RCAN2: variants seen among roughly 807,000 people sequenced by gnomAD.
RCAN2 encodes the protein calcipressin-2.
A neutral mutation model predicts 23.6 loss-of-function variants in RCAN2; 9 were observed. The observed-to-expected ratio is 0.38, with a 90% CI of 0.23 to 0.67. RCAN2 has a LOEUF of 0.67. RCAN2 is among the 30% of genes least tolerant of loss of function. RCAN2 has a pLI of 0.51. For missense variants in RCAN2, 273 were observed against 302.3 expected (o/e 0.90, Z 0.72); for synonymous variants, 109 against 115.7 (o/e 0.94, Z 0.37).
chr6:46,415,856 C>T (rs937685175), intron 2 of RCAN2, among the ~76,000 whole-genome samples: 8 of 152,076 alleles, frequency 5.3e-5, no homozygotes, highest in African/African-American at 1.9e-4. Context: ...CCAGGATCTC[C>T]TATGAATACT....
chr6:46,267,463 T>C (rs1767374392), intron 2 of RCAN2, among the ~76,000 whole-genome samples: 1 of 152,188 alleles, frequency 6.6e-6, no homozygotes, highest in Non-Finnish European at 1.5e-5. Flanking sequence ...AGAAGATCAC[T>C]TGAGCCCAGG....
intron 2 of RCAN2, among the ~76,000 whole-genome samples, chr6:46,273,964 G>T (rs1767604890): frequency 6.6e-6 from 1 of 152,082 alleles, no homozygotes; most frequent in Non-Finnish European, 1.5e-5. Flanking sequence ...TCTATGAAAG[G>T]CTGGGTACAT....
At chr6:46,244,971 T>C (rs944621219) in intron 4 of RCAN2, among the ~76,000 whole-genome samples, 1 of 152,186 alleles carries the variant, frequency 6.6e-6, no homozygotes, top group Non-Finnish European at 1.5e-5. Flanking sequence ...TGAATGACTG[T>C]GGGAAAGGGC....
At chr6:46,395,869 C>G (rs1258901886) in intron 2 of RCAN2, among the ~76,000 whole-genome samples, 9 of 152,158 alleles carry the variant, frequency 5.9e-5, no homozygotes. Context: ...TCTCCAAATT[C>G]TAACTGAACA....
chr6:46,395,630 TATGAG>T (rs1355281361), intron 2 of RCAN2, among the ~76,000 whole-genome samples: 2 of 152,320 alleles, frequency 1.3e-5, no homozygotes, highest in East Asian at 3.9e-4. Flanking sequence ...AATGAATGAT[TATGAG>T]ATGTACTGCT....
chr6:46,336,684 A>G (rs1764155350), intron 2 of RCAN2, among the ~76,000 whole-genome samples: 1 of 152,220 alleles, frequency 6.6e-6, no homozygotes, highest in Non-Finnish European at 1.5e-5. Context: ...TGCATCCAGT[A>G]AGGTATGTGA....
intron 2 of RCAN2, among the ~76,000 whole-genome samples, chr6:46,418,435 A>G (rs1766771943): frequency 1.3e-5 from 2 of 151,974 alleles, no homozygotes; most frequent in African/African-American, 4.8e-5. Flanking sequence ...AATTCCTTAC[A>G]AAATTTGGAT....
At chr6:46,318,720 A>G (rs1667712797) in intron 2 of RCAN2, among the ~76,000 whole-genome samples, 1 of 152,206 alleles carries the variant, frequency 6.6e-6, no homozygotes, top group South Asian at 2.1e-4. Context: ...AGGTTAAAAA[A>G]AAAGAGAAAT....
intron 2 of RCAN2, among the ~76,000 whole-genome samples, chr6:46,249,652 A>T (rs1766643492): frequency 6.6e-6 from 1 of 152,136 alleles, no homozygotes; most frequent in South Asian, 2.1e-4. Flanking sequence ...TTGCCTAAAA[A>T]TATGGGATCC....
chr6:46,331,485 C>T (rs1763972067), intron 2 of RCAN2, among the ~76,000 whole-genome samples: 1 of 152,150 alleles, frequency 6.6e-6, no homozygotes, highest in Non-Finnish European at 1.5e-5. Flanking sequence ...GCTCAAATTG[C>T]CCATCTTTAG....
chr6:46,341,044 G>A (rs1041794882), intron 2 of RCAN2, among the ~76,000 whole-genome samples: 3 of 152,010 alleles, frequency 2.0e-5, no homozygotes, highest in Non-Finnish European at 4.4e-5. Context: ...AATGAATGAG[G>A]TCAGAAAAAA....
intron 2 of RCAN2, among the ~76,000 whole-genome samples, chr6:46,317,205 A>T (rs1405247820): frequency 6.6e-6 from 1 of 152,206 alleles, no homozygotes; most frequent in Admixed American, 6.5e-5. Flanking sequence ...CCCAAACTAG[A>T]TGGCATAATT....
chr6:46,267,770 G>A (rs72861691), intron 2 of RCAN2, among the ~76,000 whole-genome samples: 7,526 of 152,222 alleles, frequency 0.049, 255 homozygotes, highest in Non-Finnish European at 0.073. Flanking sequence ...TCCTGAAGGA[G>A]TCTTCTATAC....
intron 2 of RCAN2, among the ~76,000 whole-genome samples, chr6:46,363,587 AACCTGTTCTTAATT>A (rs575121473): frequency 1.0e-3 from 159 of 152,300 alleles, no homozygotes; most frequent in African/African-American, 3.7e-3. Flanking sequence ...TATTATTTAT[AACCTGTTCTTAATT>A]ATGAAAGCAT....
chr6:46,407,904 A>G (rs1766446566), intron 2 of RCAN2, among the ~76,000 whole-genome samples: 2 of 152,234 alleles, frequency 1.3e-5, no homozygotes, highest in African/African-American at 4.8e-5. Flanking sequence ...AAAACTTGGC[A>G]TGCCCCAAAG....
chr6:46,293,956 G>A (rs1037109256), intron 2 of RCAN2, among the ~76,000 whole-genome samples: 1 of 152,016 alleles, frequency 6.6e-6, no homozygotes, highest in Non-Finnish European at 1.5e-5. Flanking sequence ...TTTGAGAATT[G>A]GAAAGACTTC....
chr6:46,427,403 G>A (rs1767059352), intron 2 of RCAN2, among the ~76,000 whole-genome samples: 1 of 152,118 alleles, frequency 6.6e-6, no homozygotes. Context: ...TCAGTAAATG[G>A]ATGTAAGTAT....
chr6:46,394,288 C>T (rs1439369766), intron 2 of RCAN2, among the ~76,000 whole-genome samples: 1 of 152,186 alleles, frequency 6.6e-6, no homozygotes, highest in East Asian at 1.9e-4. Context: ...GCTTGAAATA[C>T]AAAGGTCTTA....
intron 1 of RCAN2, among the ~76,000 whole-genome samples, chr6:46,474,115 A>T (rs1245953092): frequency 2.0e-5 from 3 of 152,086 alleles, no homozygotes; most frequent in Non-Finnish European, 4.4e-5. Context: ...CAAAGGAGAA[A>T]GGGATTTAGC....
Sources: allele counts gnomAD v4.1 joint callset (sites outside exome capture counted in the v4.1 genomes callset), GRCh38; gene constraint gnomAD v4.1.1; transcripts MANE v1.5; gene names NCBI Gene and HGNC (gene_info 2026-07-23, HGNC 2026-07-21).